The following PASK variants were observed in gnomAD, a reference collection of about 807,000 sequenced individuals.
PASK encodes PAS domain containing serine/threonine kinase.
Under a neutral mutation model 121.0 loss-of-function variants are expected in PASK, and 110 were observed. That is an observed-to-expected ratio of 0.91 (90% confidence interval 0.78 to 1.06). The LOEUF is 1.06. Among genes scored for constraint, PASK ranks in the 50% least tolerant of loss-of-function variants. PASK has a pLI of 0.00. For missense variants in PASK, 1,643 were observed against 1,702.3 expected (o/e 0.97, Z 0.61); for synonymous variants, 686 against 717.8 (o/e 0.96, Z 0.71).
chr2:241,115,891 C>A (rs2065329814), intron 12 of PASK, among the ~76,000 whole-genome samples: 1 of 132,992 alleles, frequency 7.5e-6, no homozygotes, highest in Admixed American at 7.4e-5. Flanking sequence ...ACGCCAGGGG[C>A]CACTCGGTCC....
chr2:241,123,048 G>A, intron 11 of PASK, 149 bp from the exon 12 acceptor site: 1 of 695,922 alleles, frequency 1.4e-6, no homozygotes, highest in East Asian at 2.7e-5. Flanking sequence ...CTCTCAGACA[G>A]GTCTGAAAGC....
chr2:241,139,691 C>G lies in PASK; in HGVS notation c.600+194G>C, dbSNP rs188853463. 407 of 711,988 alleles carry G rather than the reference C, an allele frequency of 5.7e-4. No homozygotes were observed. In the African/African-American group the frequency reaches 6.4e-3, roughly 11 times the overall value. The allele number at this position is 711,988 out of a possible 1,614,324, so 44.1% of individuals were successfully genotyped here. The stretch of plus-strand genomic sequence containing the variant: ...GTGTCCATTCCTGCGATGATTCGTT[C>G]TTAAAGGGCCCCCACCCCCACTGCA... On this transcript the variant is annotated intron_variant, in intron 4 of 17. Transcript: ENST00000234040.
intron 9 of PASK, among the ~76,000 whole-genome samples, chr2:241,131,878 A>ACC (rs1298539303): frequency 6.6e-6 from 1 of 151,192 alleles, no homozygotes; most frequent in African/African-American, 2.4e-5. Flanking sequence ...ACATAGTGAA[A>ACC]CCCCGCCTCT....
intron 1 of PASK, among the ~76,000 whole-genome samples, chr2:241,145,202 C>T (rs1215108282): frequency 2.6e-5 from 4 of 152,120 alleles, no homozygotes; most frequent in African/African-American, 9.7e-5. Context: ...CGTGAGCCAC[C>T]GCGCCCGGCC....
intron 12 of PASK, among the ~76,000 whole-genome samples, chr2:241,116,945 G>A (rs548601127): frequency 7.9e-5 from 12 of 152,344 alleles, no homozygotes; most frequent in African/African-American, 2.6e-4. Context: ...CAGCCCCTGC[G>A]AGGTGCATGG....
chr2:241,121,088 G>A (rs149487264), intron 12 of PASK, among the ~76,000 whole-genome samples: 4 of 152,334 alleles, frequency 2.6e-5, no homozygotes, highest in Non-Finnish European at 5.9e-5. Context: ...AGCATGCTGT[G>A]CATGATTCCA....
chr2:241,109,003 C>T (rs3926369), intron 15 of PASK: 8,776 of 142,628 alleles, frequency 0.062, 672 homozygotes, highest in African/African-American at 0.081. Context: ...TCCTCATCCA[C>T]GCTACCATTT....
chr2:241,137,221 GTACCGTCCCTGGCTCT>G lies in PASK; in HGVS notation c.904_919del (p.Arg302ProfsTer5). ...CAGCTTTAAGCTCAGAGGGAAGGTGGTACCGTCCCTGGCTCTTCCAACAGACCTCTGAATCTTGAGA... is the reference window on the plus strand; with the variant it reads ...CAGCTTTAAGCTCAGAGGGAAGGTGGTCCAACAGACCTCTGAATCTTGAGA... On this transcript the variant is annotated frameshift_variant, in exon 7 of 18. Coordinates refer to ENST00000234040, the MANE Select transcript of PASK (RefSeq NM_015148.4). LOFTEE classifies it high-confidence loss of function. 6.2e-7 allele frequency: 1 copy of G among 1,606,902 alleles called. No individual in the cohort carries two copies. Among genetic ancestry groups the G allele is most frequent in the Non-Finnish European group, 8.5e-7 (1 of 1,173,398 alleles).
Position 241,122,844 on chromosome 2 carries a change from C to T in PASK, c.2960G>A (p.Gly987Glu), listed in dbSNP as rs548086369. The change falls in exon 12 of 18, where the codon GGG becomes GAG. Residue 987 changes from glycine (G) to glutamate (E), a missense_variant. Around this residue, in one of 3 missense-constraint regions of PASK, gnomAD observed 453 missense variants for 511.2 expected, o/e 0.89. Coordinates refer to ENST00000234040, the MANE Select transcript of PASK (RefSeq NM_015148.4). Reference protein sequence around the residue: ...EEPPKAVELEGLAACEGEYSQ... With the variant: ...EEPPKAVELEELAACEGEYSQ... ...GTACTCGCCCTCACAGGCCGCCAAC[C>T]CCTCCAGTTCCACAGCCTTGGGGGG... 87 of 1,614,230 alleles carry T rather than the reference C, an allele frequency of 5.4e-5. 2 individuals carry two copies. In the South Asian group the frequency reaches 8.6e-4, roughly 16 times the overall value.
At chr2:241,134,317 A>G (rs2066306060) in intron 8 of PASK, 1 of 152,258 alleles carries the variant, frequency 6.6e-6, no homozygotes, top group African/African-American at 2.4e-5. Context: ...GTGCTAGAGG[A>G]AAAAGCTTGT....
chr2:241,131,564 A>G (rs2066134666), intron 9 of PASK, among the ~76,000 whole-genome samples: 1 of 152,220 alleles, frequency 6.6e-6, no homozygotes, highest in Non-Finnish European at 1.5e-5. Context: ...CAGACACAGC[A>G]ATAAGCAGAA....
chr2:241,127,956 GCT>G (rs1287595824), intron 9 of PASK, among the ~76,000 whole-genome samples: 4 of 152,250 alleles, frequency 2.6e-5, no homozygotes, highest in Non-Finnish European at 5.9e-5. Flanking sequence ...TTGGGAAATG[GCT>G]CTCAGATGGG....
chr2:241,128,422 G>A lies in PASK; in HGVS notation c.1464-971C>T, dbSNP rs763546674. ...GAGGAGGCTGCCACAGTCCAGACAG[G>A]ATGATCACAGAGCCAAGGGACCCAG... is the stretch of plus-strand genomic sequence containing the variant. On this transcript the variant is annotated intron_variant, in intron 9 of 17. Coordinates refer to ENST00000234040, the MANE Select transcript of PASK (RefSeq NM_015148.4). 5.3e-5 allele frequency among the ~76,000 whole-genome samples: 8 copies of A among 152,338 alleles called. No individual in the cohort carries two copies. The Middle Eastern group carries it at 0.01, about 194-fold the overall frequency.
At chr2:241,147,420 T>A (rs2067004424) in intron 1 of PASK, among the ~76,000 whole-genome samples, 1 of 151,978 alleles carries the variant, frequency 6.6e-6, no homozygotes, top group South Asian at 2.1e-4. Context: ...GAGTTCGAGA[T>A]CAGCCTGGGC....
chr2:241,123,871 C>G (rs946761423), intron 11 of PASK, 78 bp downstream of exon 11: 16 of 1,197,876 alleles, frequency 1.3e-5, no homozygotes, highest in Non-Finnish European at 1.8e-5. Context: ...CCCAAGGAAA[C>G]AGAGAGAGAT....
chr2:241,137,319 T>A, intron 6 of PASK, 55 bp from the exon 7 acceptor site: 1 of 1,486,090 alleles, frequency 6.7e-7, no homozygotes, highest in Non-Finnish European at 9.4e-7. Context: ...GACAGAGCAC[T>A]GAGTCTGTGC....
rs1195367911 is a variant in PASK, at chr2:241,106,448, A to G, written c.*118T>C. On this transcript the variant is annotated 3_prime_UTR_variant, in exon 18 of 18. Transcript: ENST00000234040. ...GTTCTGGTGTTTATCAAACCTGCAC[A>G]TGAGTTTTTAGAAGGTGAATTGGGG... The G allele has an allele frequency of 7.0e-6, 7 of 1,002,628 alleles. No homozygotes were observed. Among genetic ancestry groups the G allele is most frequent in the African/African-American group, 4.7e-5 (3 of 63,328 alleles). The allele number at this position is 1,002,628 out of a possible 1,614,324, so 62.1% of individuals were successfully genotyped here.
Position 241,137,082 on chromosome 2 carries a change from C to T in PASK, c.1059G>A (p.Pro353=), listed in dbSNP as rs762040317. 33 of 1,613,500 alleles carry T rather than the reference C, an allele frequency of 2.0e-5. No homozygotes were observed. Among genetic ancestry groups the T allele is most frequent in the African/African-American group, 5.3e-5 (4 of 74,922 alleles). ...GGTTGATGCCGTGGATGGTCCCATC[C>T]GGCAGGAGGGTGATGAGGCCACTGA... ...CTISGLITLL[P]DGTIHGINHS... Residue 353 remains proline, a synonymous_variant, in exon 7 of 18, where the codon CCG becomes CCA. Transcript: ENST00000234040.
intron 9 of PASK, among the ~76,000 whole-genome samples, chr2:241,129,043 A>G (rs1005417388): frequency 3.3e-5 from 5 of 150,312 alleles, no homozygotes; most frequent in Non-Finnish European, 7.4e-5. Context: ...CATGTCTCCC[A>G]TCTCTCTCTC....
Sources: gnomAD v4.1 joint callset for allele counts (sites outside exome capture counted in the v4.1 genomes callset) on GRCh38, gnomAD v4.1.1 for gene constraint, gnomAD v4.1.1 regional missense constraint, MANE v1.5 for transcripts, NCBI Gene and HGNC (gene_info 2026-07-23, HGNC 2026-07-21) for gene names.